Variants in DYM observed in about 807,000 individuals in gnomAD.
The protein encoded by DYM is dyggve-Melchior-Clausen syndrome protein.
DYM carries 78 observed loss-of-function variants against 93.1 expected under a neutral mutation model. The ratio of observed to expected loss-of-function variants is 0.84; its 90% CI spans 0.70 to 1.01. The LOEUF (loss-of-function observed/expected upper bound fraction) is 1.01. Among genes scored for constraint, DYM ranks in the 50% least tolerant of loss-of-function variants. DYM has a pLI of 0.00. For synonymous variants in DYM, 321 were observed against 319.7 expected (o/e 1.00, Z -0.04); for missense variants, 789 against 845.0 (o/e 0.93, Z 0.82).
At chr18:49,170,288 T>C (rs1311221789) in intron 14 of DYM, among the ~76,000 whole-genome samples, 2 of 152,136 alleles carry the variant, frequency 1.3e-5, no homozygotes, top group Non-Finnish European at 1.5e-5. Context: ...CTCTAGAATC[T>C]GTGCTCTTAA....
intron 13 of DYM, among the ~76,000 whole-genome samples, chr18:49,235,098 A>G: frequency 6.6e-6 from 1 of 152,250 alleles, no homozygotes; most frequent in East Asian, 1.9e-4. Context: ...TGAAACCTGG[A>G]ACAGAGAAAC....
chr18:49,182,559 C>G (rs2090029267), intron 14 of DYM, among the ~76,000 whole-genome samples: 2 of 152,186 alleles, frequency 1.3e-5, no homozygotes, highest in African/African-American at 4.8e-5. Flanking sequence ...TGTTTCCTCT[C>G]TGAAGTCACT....
chr18:49,355,165 T>C (rs944619265), intron 6 of DYM, among the ~76,000 whole-genome samples: 4 of 151,994 alleles, frequency 2.6e-5, no homozygotes, highest in Admixed American at 2.6e-4. Flanking sequence ...GATAGATACA[T>C]TGATCAACAC....
At chr18:49,158,353 A>G (rs1335421033) in intron 15 of DYM, among the ~76,000 whole-genome samples, 2 of 152,248 alleles carry the variant, frequency 1.3e-5, no homozygotes, top group African/African-American at 4.8e-5. Context: ...AATGTAAAAC[A>G]AAAGTTTTAA....
chr18:49,320,505 C>T (rs946355989), intron 8 of DYM, among the ~76,000 whole-genome samples: 2 of 152,118 alleles, frequency 1.3e-5, no homozygotes, highest in Admixed American at 6.5e-5. Context: ...GACAGAGTCT[C>T]GCGCTGACAC....
chr18:49,176,784 A>T (rs1333895237), intron 14 of DYM, among the ~76,000 whole-genome samples: 1 of 152,064 alleles, frequency 6.6e-6, no homozygotes, highest in Non-Finnish European at 1.5e-5. Flanking sequence ...AAAATTGGTA[A>T]TTTATCTAAA....
At chr18:49,118,416 C>A (rs1026849386) in intron 16 of DYM, among the ~76,000 whole-genome samples, 6 of 151,908 alleles carry the variant, frequency 3.9e-5, no homozygotes, top group Non-Finnish European at 8.8e-5. Context: ...TATTTTAGGA[C>A]ACAAACATGG....
At chr18:49,363,943 T>C (rs1416164399) in intron 5 of DYM, among the ~76,000 whole-genome samples, 1 of 152,258 alleles carries the variant, frequency 6.6e-6, no homozygotes, top group Non-Finnish European at 1.5e-5. Context: ...TGGACATTAC[T>C]GACACCTACT....
intron 1 of DYM, among the ~76,000 whole-genome samples, chr18:49,453,914 T>G (rs1349292990): frequency 6.6e-6 from 1 of 152,202 alleles, no homozygotes; most frequent in East Asian, 1.9e-4. Flanking sequence ...CTAAAGTTAC[T>G]CCAGCCACCC....
rs1236233098 is a variant in DYM, at chr18:49,163,890, T to G, written c.1626-103A>C. ...ACAGCATGTCAATTATTCTAAAATA[T>G]ACTTGTAAATGATTCTTTCTTCATG... On this transcript the variant is annotated intron_variant, in intron 14 of 17. Coordinates refer to ENST00000675505, the MANE Select transcript of DYM (RefSeq NM_001353214.3). 7 of 746,946 alleles carry G rather than the reference T, an allele frequency of 9.4e-6. No homozygotes were observed. In the South Asian group the frequency reaches 1.1e-4, roughly 11 times the overall value. The allele number at this position is 746,946 out of a possible 1,614,324, so 46.3% of individuals were successfully genotyped here. A position where few individuals can be genotyped will look rare whatever the true frequency, so the allele number is the denominator to read the frequency against.
At chr18:49,409,933 A>C (rs569851719) in intron 2 of DYM, among the ~76,000 whole-genome samples, 1 of 152,216 alleles carries the variant, frequency 6.6e-6, no homozygotes. Context: ...TGGAGCCTAT[A>C]CGTAGTACCT....
intron 13 of DYM, among the ~76,000 whole-genome samples, chr18:49,245,180 G>A (rs1369450207): frequency 1.3e-5 from 2 of 152,196 alleles, no homozygotes; most frequent in African/African-American, 4.8e-5. Flanking sequence ...TTCGTAAGCT[G>A]AGGATGTATG....
chr18:49,119,448 T>C (rs10502897), intron 15 of DYM, among the ~76,000 whole-genome samples: 19,965 of 152,230 alleles, frequency 0.13, 1,724 homozygotes, highest in African/African-American at 0.25. Flanking sequence ...CATAAAATAG[T>C]TGCCAAACAG....
intron 11 of DYM, among the ~76,000 whole-genome samples, chr18:49,265,508 G>A (rs2094554601): frequency 6.6e-6 from 1 of 152,196 alleles, no homozygotes; most frequent in African/African-American, 2.4e-5. Flanking sequence ...GCCAGGCACA[G>A]TGGCTCACGC....
intron 8 of DYM, among the ~76,000 whole-genome samples, chr18:49,294,982 G>A (rs12608011): frequency 0.095 from 14,409 of 152,092 alleles, 888 homozygotes; most frequent in East Asian, 0.31. Flanking sequence ...AAAGGCTAAC[G>A]GTCAATAGAC....
chr18:49,246,744 G>A (rs2094178990), intron 13 of DYM, among the ~76,000 whole-genome samples: 2 of 152,162 alleles, frequency 1.3e-5, no homozygotes, highest in South Asian at 2.1e-4. Context: ...TGAGTTGGAG[G>A]TTCATTATGA....
chr18:49,289,246 G>C (rs1162964510), intron 8 of DYM, among the ~76,000 whole-genome samples: 2 of 151,714 alleles, frequency 1.3e-5, no homozygotes, highest in East Asian at 3.9e-4. Context: ...TCTTATGTAA[G>C]AAACAACATT....
chr18:49,353,497 A>G (rs2065291430), intron 6 of DYM, among the ~76,000 whole-genome samples: 1 of 151,996 alleles, frequency 6.6e-6, no homozygotes, highest in Non-Finnish European at 1.5e-5. Context: ...TTACAAAGGG[A>G]AAGTCAAGTG....
chr18:49,221,220 C>T (rs1036486167), intron 13 of DYM, among the ~76,000 whole-genome samples: 12 of 152,068 alleles, frequency 7.9e-5, no homozygotes, highest in Non-Finnish European at 1.5e-4. Context: ...CATCTCACAC[C>T]AGTTAGAATG....
Sources: gnomAD v4.1 joint callset for allele counts (sites outside exome capture counted in the v4.1 genomes callset) on GRCh38, gnomAD v4.1.1 for gene constraint, MANE v1.5 for transcripts, NCBI Gene and HGNC (gene_info 2026-07-23, HGNC 2026-07-21) for gene names.